The following ZCCHC24 variants were observed in gnomAD, a reference collection of about 807,000 sequenced individuals.
ZCCHC24 encodes the protein zinc finger CCHC-type containing 24, also known as zinc finger CCHC domain-containing protein 24.
A neutral mutation model predicts 26.2 loss-of-function variants in ZCCHC24; 10 were observed. The observed-to-expected ratio is 0.38, with a 90% CI of 0.24 to 0.65. ZCCHC24 has a LOEUF of 0.65. Ranked by LOEUF, ZCCHC24 falls within the 30% of genes least tolerant of loss-of-function variation. The probability of loss-of-function intolerance (pLI) is 0.54; values close to 1 mark genes in which losing one functional copy is unlikely to be tolerated. For missense variants in ZCCHC24, 243 were observed against 329.1 expected (o/e 0.74, Z 2.03); for synonymous variants, 144 against 147.1 (o/e 0.98, Z 0.15).
At chr10:79,427,801 C>T (rs1005744738) in intron 2 of ZCCHC24, among the ~76,000 whole-genome samples, 7 of 152,148 alleles carry the variant, frequency 4.6e-5, no homozygotes, top group Admixed American at 3.9e-4. Flanking sequence ...ATTGCTTGAG[C>T]CCAGGAGTTT....
chr10:79,393,101 G>C (rs1856501369), intron 3 of ZCCHC24, among the ~76,000 whole-genome samples: 1 of 152,086 alleles, frequency 6.6e-6, no homozygotes, highest in South Asian at 2.1e-4. Context: ...GCATCACTTG[G>C]TCTAGGGAAT....
At chr10:79,402,189 C>G (rs923580987) in intron 2 of ZCCHC24, among the ~76,000 whole-genome samples, 1 of 152,216 alleles carries the variant, frequency 6.6e-6, no homozygotes, top group Non-Finnish European at 1.5e-5. Context: ...TGGGGCAGTG[C>G]GGAGTAAACA....
intron 2 of ZCCHC24, among the ~76,000 whole-genome samples, chr10:79,410,808 T>C (rs1432538281): frequency 7.4e-6 from 1 of 134,234 alleles, no homozygotes; most frequent in Non-Finnish European, 1.6e-5. Flanking sequence ...GGTCTGGGGA[T>C]GGGTGGCAGA....
chr10:79,433,466 G>A (rs975734869), intron 1 of ZCCHC24, among the ~76,000 whole-genome samples: 5 of 152,210 alleles, frequency 3.3e-5, no homozygotes, highest in Admixed American at 1.3e-4. Flanking sequence ...CAAAGCAGAC[G>A]TGGCCCAGGC....
chr10:79,445,560 G>GTTC lies in ZCCHC24; in HGVS notation c.-121_-120insGAA. ...CGCCTCCCGAGCCCCGACGGTGATC[G>GTTC]CCCCGCGCCCTGCGCCCCGCGCGCT... On this transcript the variant is annotated 5_prime_UTR_variant, in exon 1 of 4. Transcript: ENST00000372336. 5.5e-6 allele frequency: 5 copies of GTTC among 902,344 alleles called. No individual in the cohort carries two copies. Among genetic ancestry groups the GTTC allele is most frequent in the Non-Finnish European group, 6.9e-6 (5 of 720,162 alleles). The allele number at this position is 902,344 out of a possible 1,614,324, so 55.9% of individuals were successfully genotyped here. A position where few individuals can be genotyped will look rare whatever the true frequency, so the allele number is the denominator to read the frequency against.
intron 3 of ZCCHC24, among the ~76,000 whole-genome samples, chr10:79,387,879 CT>C (rs1190903823): frequency 6.6e-6 from 1 of 152,140 alleles, no homozygotes; most frequent in African/African-American, 2.4e-5. Context: ...CCTTCTGCCC[CT>C]GGCCCAGGGG....
chr10:79,404,571 C>T (rs1856683472), intron 2 of ZCCHC24, among the ~76,000 whole-genome samples: 1 of 152,204 alleles, frequency 6.6e-6, no homozygotes, highest in South Asian at 2.1e-4. Flanking sequence ...TTGCTGATTG[C>T]TGGAGGGGAC....
chr10:79,441,742 T>G (rs990132649), intron 1 of ZCCHC24, among the ~76,000 whole-genome samples: 3 of 152,160 alleles, frequency 2.0e-5, no homozygotes, highest in Admixed American at 6.5e-5. Flanking sequence ...TCCCCCAACA[T>G]TCACAAAGTG....
At position 79,386,050 on chromosome 10, in the gene ZCCHC24, C is replaced by T. The variant is rs1003136996; in HGVS notation, c.*295G>A. On this transcript the variant is annotated 3_prime_UTR_variant, in exon 4 of 4. Coordinates refer to ENST00000372336, the MANE Select transcript of ZCCHC24 (RefSeq NM_153367.4). ...CTCAGAGGCGAGCCTGTGGGGACAC[C>T]CAGGGCTCCTGGACATGGGCTTTTG... is the stretch of plus-strand genomic sequence containing the variant. 13 of 539,138 alleles carry T rather than the reference C, an allele frequency of 2.4e-5. No individual in the cohort carries two copies. The highest frequency in any genetic ancestry group is 4.0e-5 in the Non-Finnish European group (12 of 299,680). 33.4% of individuals were successfully genotyped at this position (539,138 alleles called of 1,614,324 possible). A position where few individuals can be genotyped will look rare whatever the true frequency, so the allele number is the denominator to read the frequency against.
At chr10:79,415,266 C>T (rs1856844279) in intron 2 of ZCCHC24, among the ~76,000 whole-genome samples, 1 of 152,200 alleles carries the variant, frequency 6.6e-6, no homozygotes, top group African/African-American at 2.4e-5. Context: ...GGGCCCCAGG[C>T]ACAGGGAATC....
intron 3 of ZCCHC24, among the ~76,000 whole-genome samples, chr10:79,388,407 G>C (rs1015590231): frequency 6.6e-6 from 1 of 152,206 alleles, no homozygotes; most frequent in Non-Finnish European, 1.5e-5. Flanking sequence ...GGTGCCCTCA[G>C]GGCTGGAGAG....
chr10:79,386,498 G>A lies in ZCCHC24; in HGVS notation c.613-40C>T, dbSNP rs754254935. ...AGGAAGGGGCCCAGGGGAGTGAGGG[G>A]AGAGAAAGACAGAAACACAGAGACA... is the stretch of plus-strand genomic sequence containing the variant. On this transcript the variant is annotated intron_variant, in intron 3 of 3. Transcript: ENST00000372336. 3.3e-6 allele frequency: 5 copies of A among 1,503,196 alleles called. No homozygotes were observed. The South Asian group carries it at 3.7e-5, about 11-fold the overall frequency. 93.1% of individuals were successfully genotyped at this position (1,503,196 alleles called of 1,614,324 possible).
rs201484944 is a variant in ZCCHC24, at chr10:79,432,757, G to C, written c.248C>G (p.Ala83Gly). The C allele has an allele frequency of 6.8e-6, 11 of 1,607,538 alleles. No homozygotes were observed. In the South Asian group the frequency reaches 1.2e-4, roughly 18 times the overall value. Residue 83 changes from alanine to glycine, a missense_variant and splice_region_variant, in exon 2 of 4, where the codon GCG becomes GGG. Ala to Gly is a moderately conservative substitution (Grantham distance 60, BLOSUM62 0). This residue lies in a region of ZCCHC24 where 147 missense variants were observed against 150.8 expected (regional missense o/e 0.97). Coordinates refer to ENST00000372336, the MANE Select transcript of ZCCHC24 (RefSeq NM_153367.4). ...NSFFQLQRGEALSNSVYKGAS... is the reference protein window; with the variant it reads ...NSFFQLQRGEGLSNSVYKGAS... ...GCCCTTGTACACACTGTTGCTCAGCGCCTGTGGGAGACAGAGGCACATATA... is the reference window on the plus strand; with the variant it reads ...GCCCTTGTACACACTGTTGCTCAGCCCCTGTGGGAGACAGAGGCACATATA...
At position 79,385,352 on chromosome 10, in the gene ZCCHC24, TG is replaced by T. The variant is rs1389623825; in HGVS notation, c.*992del. 5 of 152,222 alleles carry T rather than the reference TG, an allele frequency of 3.3e-5. No homozygotes were observed. Among genetic ancestry groups the T allele is most frequent in the Admixed American group, 6.5e-5 (1 of 15,278 alleles). The allele number at this position is 152,222 out of a possible 1,614,324, so 9.4% of individuals were successfully genotyped here. On this transcript the variant is annotated 3_prime_UTR_variant, in exon 4 of 4. Transcript: ENST00000372336. The surrounding 1 kb of genome is among the most constrained non-coding windows in gnomAD (Gnocchi z 4.3). ...GAATCCCAGAACAACAGAGCTGAAATGGGCCCTCTGCTCTCTAGTGTTATGC... is the reference window on the plus strand; with the variant it reads ...GAATCCCAGAACAACAGAGCTGAAATGGCCCTCTGCTCTCTAGTGTTATGC...
At chr10:79,422,314 G>C (rs995841099) in intron 2 of ZCCHC24, among the ~76,000 whole-genome samples, 3 of 152,176 alleles carry the variant, frequency 2.0e-5, no homozygotes, top group Admixed American at 6.5e-5. Flanking sequence ...GTCAGGGTTG[G>C]AATGAGGGGT....
chr10:79,423,820 C>G (rs75690001), intron 2 of ZCCHC24, among the ~76,000 whole-genome samples: 2 of 150,400 alleles, frequency 1.3e-5, no homozygotes, highest in Non-Finnish European at 3.0e-5. Context: ...GAGTTTGAAA[C>G]CAGCCTGGCC....
intron 2 of ZCCHC24, among the ~76,000 whole-genome samples, chr10:79,431,809 G>GA (rs1173954814): frequency 6.6e-6 from 1 of 151,912 alleles, no homozygotes; most frequent in African/African-American, 2.4e-5. Flanking sequence ...AAACTAATAG[G>GA]AAAAAAAATC....
chr10:79,390,623 C>T (rs1425478505), intron 3 of ZCCHC24, among the ~76,000 whole-genome samples: 1 of 152,326 alleles, frequency 6.6e-6, no homozygotes, highest in South Asian at 2.1e-4. Flanking sequence ...TGCCACTGGG[C>T]GAGGAGCCTG....
chr10:79,392,717 G>A (rs1026266442), intron 3 of ZCCHC24, among the ~76,000 whole-genome samples: 31 of 152,180 alleles, frequency 2.0e-4, no homozygotes, highest in Admixed American at 6.5e-5. Context: ...ATCCACACCA[G>A]CCTCCCCTAA....
Sources: gnomAD v4.1 joint callset for allele counts (sites outside exome capture counted in the v4.1 genomes callset) on GRCh38, gnomAD v4.1.1 for gene constraint, gnomAD v4.1.1 regional missense constraint, Gnocchi (gnomAD v3.1) non-coding constraint, MANE v1.5 for transcripts, NCBI Gene and HGNC (gene_info 2026-07-23, HGNC 2026-07-21) for gene names.